The following LAS1L variants were observed in gnomAD, a reference collection of about 807,000 sequenced individuals.
LAS1L encodes ribosomal biogenesis protein LAS1L.
Under a neutral mutation model 57.3 loss-of-function variants are expected in LAS1L, and 5 were observed. The ratio of observed to expected loss-of-function variants is 0.09; its 90% CI spans 0.05 to 0.18. The LOEUF is 0.18. LAS1L is among the 10% of genes least tolerant of loss of function. The probability of loss-of-function intolerance (pLI) is 1.00; values close to 1 mark genes in which losing one functional copy is unlikely to be tolerated. For missense variants in LAS1L, 360 were observed against 568.3 expected (o/e 0.63, Z 3.73); for synonymous variants, 245 against 231.7 (o/e 1.06, Z -0.52).
At chrX:65,522,051 C>T (rs1284202851) in intron 11 of LAS1L, 15 of 111,513 alleles carry the variant, frequency 1.3e-4, no homozygotes, top group Non-Finnish European at 3.8e-5. Context: ...AGCTCAGGCA[C>T]GTTCCTAGGT....
Position 65,521,906 on chromosome X carries a change from T to A in LAS1L, c.1448+1654A>T, listed in dbSNP as rs376332543. On this transcript the variant is annotated intron_variant, in intron 11 of 13. Coordinates refer to ENST00000374811, the MANE Select transcript of LAS1L (RefSeq NM_031206.7). ...TAGTGAGGAAATGGAGAGTGTTGAGTGTAGACTACTCTTTTGAGATGTTTT... is the reference window on the plus strand; with the variant it reads ...TAGTGAGGAAATGGAGAGTGTTGAGAGTAGACTACTCTTTTGAGATGTTTT... The A allele has an allele frequency of 2.7e-5, 3 of 110,806 alleles. No individual in the cohort carries two copies. The East Asian group carries it at 8.6e-4, about 32-fold the overall frequency. 9.1% of individuals were successfully genotyped at this position (110,806 alleles called of 1,213,427 possible). A position where few individuals can be genotyped will look rare whatever the true frequency, so the allele number is the denominator to read the frequency against.
Position 65,512,810 on chromosome X carries a change from G to C in LAS1L, c.2170C>G (p.Leu724Val). The change falls in exon 14 of 14, where the codon CTG (leucine) becomes GTG (valine). Residue 724 changes from leucine to valine, a missense_variant. Transcript: ENST00000374811. ...FEGLLWSQGQ[L>V]HGLKTGLQLF is the part of the protein sequence containing the mutation. ...TGCAGGCCAGTTTTGAGCCCATGCA[G>C]CTGCCCCTGGCTCCAGAGAAGGCCC... 4 of 1,168,042 alleles carry C rather than the reference G, an allele frequency of 3.4e-6. No homozygotes were observed. Among genetic ancestry groups the C allele is most frequent in the Non-Finnish European group, 4.6e-6 (4 of 873,132 alleles).
At chrX:65,516,426 G>A (rs760443478) in intron 12 of LAS1L, among the ~76,000 whole-genome samples, 46 of 110,574 alleles carry the variant, frequency 4.2e-4, no homozygotes, top group Non-Finnish European at 7.9e-4. Context: ...CAGTGACGGC[G>A]TGAACATACA....
chrX:65,519,259 G>T (rs2068758282), intron 11 of LAS1L, among the ~76,000 whole-genome samples: 1 of 112,024 alleles, frequency 8.9e-6, no homozygotes, highest in Admixed American at 9.4e-5. Context: ...GGAGCCGTGG[G>T]AGGAAGAGAG....
chrX:65,529,346 G>A, intron 5 of LAS1L, 88 bp from the exon 6 acceptor site: 1 of 836,349 alleles, frequency 1.2e-6, no homozygotes, highest in Non-Finnish European at 1.7e-6. Flanking sequence ...CTCATTTCTT[G>A]AGTTGTAATT....
At chrX:65,532,025 C>T (rs1454223729) in intron 3 of LAS1L, among the ~76,000 whole-genome samples, 1 of 112,389 alleles carries the variant, frequency 8.9e-6, no homozygotes, top group Non-Finnish European at 1.9e-5. Flanking sequence ...TTAACAATCA[C>T]GTTCTCCAGC....
intron 7 of LAS1L, among the ~76,000 whole-genome samples, chrX:65,527,917 C>CCT (rs772809041): frequency 8.9e-6 from 1 of 112,020 alleles, no homozygotes; most frequent in African/African-American, 3.2e-5. Context: ...CAAACTTAGA[C>CCT]AAGGGCTAGG....
intron 5 of LAS1L, 95 bp from the exon 6 acceptor site, chrX:65,529,353 A>G (rs2069345640): frequency 3.7e-6 from 3 of 809,060 alleles, no homozygotes; most frequent in Admixed American, 6.1e-5. Context: ...CTTGAGTTGT[A>G]ATTGAGGAAC....
chrX:65,528,316 C>T lies in LAS1L; in HGVS notation c.900G>A (p.Pro300=), dbSNP rs757296746. 6 of 1,199,085 alleles carry T rather than the reference C, an allele frequency of 5.0e-6. No homozygotes were observed. Among genetic ancestry groups the T allele is most frequent in the South Asian group, 1.8e-5 (1 of 55,292 alleles). The change falls in exon 7 of 14, where the codon CCG becomes CCA. Residue 300 remains proline, a synonymous_variant. Coordinates refer to ENST00000374811, the MANE Select transcript of LAS1L (RefSeq NM_031206.7). ...LPKAIKAWNN[P]SPRVECVLAE... is the part of the protein sequence containing the mutation. Reference sequence around the variant, plus strand: ...CCAGGACACATTCTACACGTGGGGACGGGTTATTCCACGCCTTAATGGCCT... The same window carrying T: ...CCAGGACACATTCTACACGTGGGGATGGGTTATTCCACGCCTTAATGGCCT...
chrX:65,534,506 A>C lies in LAS1L; in HGVS notation c.210T>G (p.Leu70=). 8.3e-7 allele frequency: 1 copy of C among 1,207,071 alleles called. No individual in the cohort carries two copies. Among genetic ancestry groups the C allele is most frequent in the Non-Finnish European group, 1.1e-6 (1 of 892,920 alleles). ...CDDHKLQRYA[L]NRITVWRSRS... ...TGCTCCTCCACACCGTGATGCGGTTAAGCGCGTACCGCTGCAACTTATGGT... is the reference window on the plus strand; with the variant it reads ...TGCTCCTCCACACCGTGATGCGGTTCAGCGCGTACCGCTGCAACTTATGGT... Residue 70 remains leucine, a synonymous_variant, in exon 1 of 14, where the codon CTT becomes CTG. Transcript: ENST00000374811.
intron 7 of LAS1L, among the ~76,000 whole-genome samples, 198 bp from the exon 8 acceptor site, chrX:65,525,248 G>A (rs1312659600): frequency 1.8e-5 from 2 of 111,860 alleles, no homozygotes; most frequent in East Asian, 2.8e-4. Flanking sequence ...CTCAGGCAGG[G>A]GCTGGTTAGA....
At chrX:65,533,494 G>A in intron 2 of LAS1L, 116 bp downstream of exon 2, 3 of 632,697 alleles carry the variant, frequency 4.7e-6, no homozygotes, top group Admixed American at 2.8e-5. Flanking sequence ...TCCACAGTGA[G>A]GTACACGCAG....
chrX:65,520,916 T>C, intron 11 of LAS1L: 1 of 754,280 alleles, frequency 1.3e-6, no homozygotes, highest in Middle Eastern at 7.6e-4. Flanking sequence ...CCATGTTCCT[T>C]CTGGACTTTG....
chrX:65,531,702 C>G (rs987420633), intron 3 of LAS1L, among the ~76,000 whole-genome samples: 3 of 112,114 alleles, frequency 2.7e-5, no homozygotes, highest in African/African-American at 9.7e-5. Flanking sequence ...AATCCCAGCA[C>G]TTTGGGAGCC....
intron 10 of LAS1L, 52 bp downstream of exon 10, chrX:65,524,004 G>A (rs2068993199): frequency 9.1e-7 from 1 of 1,094,575 alleles, no homozygotes; most frequent in Non-Finnish European, 1.3e-6. Flanking sequence ...CAGTGGCAGA[G>A]GCTCCTGCCT....
At chrX:65,517,251 T>TTTC (rs2068672924) in intron 12 of LAS1L, among the ~76,000 whole-genome samples, 1 of 72,252 alleles carries the variant, frequency 1.4e-5, no homozygotes, top group Admixed American at 1.2e-4. Flanking sequence ...TCTTTCTTTC[T>TTTC]TTTTTTTTTT....
chrX:65,518,911 A>G (rs146457555), intron 11 of LAS1L: 13,900 of 752,301 alleles, frequency 0.018, 98 homozygotes, highest in Non-Finnish European at 0.02. Context: ...CTTGAGCTCC[A>G]AGGATATGCC....
chrX:65,528,276 C>T lies in LAS1L; in HGVS notation c.940G>A (p.Val314Ile), dbSNP rs137948118. The change falls in exon 7 of 14, where the codon GTT becomes ATT. Residue 314 changes from valine (V) to isoleucine (I), a missense_variant. Physicochemically the swap from Val to Ile is conservative, Grantham distance 29 (BLOSUM62 3). Coordinates refer to ENST00000374811, the MANE Select transcript of LAS1L (RefSeq NM_031206.7). ...GTTACACACCTGTTCTCGCATGTAACGCCCTTGAGCTCTGCCAGGACACAT... is the reference window on the plus strand; with the variant it reads ...GTTACACACCTGTTCTCGCATGTAATGCCCTTGAGCTCTGCCAGGACACAT... ...VECVLAELKG[V>I]TCENREAVLD... The T allele has an allele frequency of 1.3e-5, 15 of 1,193,226 alleles. No homozygotes were observed. In the African/African-American group the frequency reaches 1.6e-4, roughly 13 times the overall value.
rs768272947 is a variant in LAS1L, at chrX:65,529,891, A to T, written c.515-13T>A. On this transcript the variant is annotated splice_polypyrimidine_tract_variant and intron_variant, in intron 4 of 13. Transcript: ENST00000374811. ...ACAAAGTAGCAGCCTAGAGGGGGGA[A>T]GGCAGGCAGTGCCACAGGATCAGGC... 6.6e-6 allele frequency: 8 copies of T among 1,205,226 alleles called. No individual in the cohort carries two copies. Among genetic ancestry groups the T allele is most frequent in the Non-Finnish European group, 9.0e-6 (8 of 891,956 alleles).
Sources: gnomAD v4.1 joint callset for allele counts (sites outside exome capture counted in the v4.1 genomes callset) on GRCh38, gnomAD v4.1.1 for gene constraint, MANE v1.5 for transcripts, NCBI Gene and HGNC (gene_info 2026-07-23, HGNC 2026-07-21) for gene names.